Variants in NEMP2 observed in about 807,000 individuals in gnomAD.
NEMP2 encodes UPF0571 transmembrane protein.
A neutral mutation model predicts 54.2 loss-of-function variants in NEMP2; 53 were observed. That is an observed-to-expected ratio of 0.98 (90% confidence interval 0.78 to 1.23). NEMP2 has a LOEUF of 1.23. NEMP2 is among the 50% of genes most tolerant of loss of function. NEMP2 has a pLI of 0.00. For missense variants in NEMP2, 455 were observed against 511.3 expected (o/e 0.89, Z 1.06); for synonymous variants, 197 against 190.3 (o/e 1.04, Z -0.29).
chr2:190,431,129 C>T, the NEMP2 span, among the ~76,000 whole-genome samples: 1 of 149,496 alleles, frequency 6.7e-6, no homozygotes, highest in Non-Finnish European at 1.5e-5. This position sits in a 1 kb window ranked among gnomAD's most constrained non-coding sequence, Gnocchi z 4.4. Flanking sequence ...AGAGGCGCTC[C>T]CCACATCTCA....
chr2:190,575,657 C>T, the NEMP2 span, among the ~76,000 whole-genome samples: 1 of 152,166 alleles, frequency 6.6e-6, no homozygotes, highest in Non-Finnish European at 1.5e-5. Context: ...GAGTTCAAGA[C>T]CAGCCCGGCC....
chr2:190,527,877 T>C lies in NEMP2; in HGVS notation c.98-2499A>G, dbSNP rs540230496. ...TTATGATAATCTAACTAATGCCTGA[T>C]GATCTGAGGTGGAACAGTTTCATCC... is the stretch of plus-strand genomic sequence containing the variant. On this transcript the variant is annotated intron_variant, in intron 1 of 8. Coordinates refer to ENST00000409150, the MANE Select transcript of NEMP2 (RefSeq NM_001142645.2). This position sits in a 1 kb window ranked among gnomAD's most constrained non-coding sequence, Gnocchi z 4.0. Among the ~76,000 whole-genome samples the C allele has an allele frequency of 6.6e-6, 1 of 152,274 alleles. No homozygotes were observed. The highest frequency in any genetic ancestry group is 6.5e-5 in the Admixed American group (1 of 15,300).
chr2:190,440,688 C>G, the NEMP2 span, among the ~76,000 whole-genome samples: 1 of 152,202 alleles, frequency 6.6e-6, no homozygotes, highest in Non-Finnish European at 1.5e-5. Flanking sequence ...ACAGAAAAAT[C>G]TATTCAATCA....
At chr2:190,447,157 TGA>T in the NEMP2 span, among the ~76,000 whole-genome samples, 239 of 152,320 alleles carry the variant, frequency 1.6e-3, 1 homozygote, top group African/African-American at 5.6e-3. This position sits in a 1 kb window ranked among gnomAD's most constrained non-coding sequence, Gnocchi z 4.5. Context: ...TCAAGGTGTC[TGA>T]CATGGAATTA....
the NEMP2 span, among the ~76,000 whole-genome samples, chr2:190,643,802 A>G: frequency 2.0e-5 from 3 of 152,106 alleles, no homozygotes; most frequent in Non-Finnish European, 2.9e-5. Context: ...TGGCACGCCT[A>G]TAGTTTCAGC....
the NEMP2 span, among the ~76,000 whole-genome samples, chr2:190,424,197 A>G: frequency 6.7e-6 from 1 of 149,912 alleles, no homozygotes; most frequent in African/African-American, 2.4e-5. This position sits in a 1 kb window ranked among gnomAD's most constrained non-coding sequence, Gnocchi z 5.9. Flanking sequence ...CAAGTCTAAA[A>G]ACTCTGCCTA....
At chr2:190,624,941 A>G in the NEMP2 span, 1 of 152,232 alleles carries the variant, frequency 6.6e-6, no homozygotes, top group East Asian at 1.9e-4. Flanking sequence ...CTATCATCAA[A>G]AAGATAGACA....
chr2:190,617,903 G>A, the NEMP2 span, among the ~76,000 whole-genome samples: 18 of 151,950 alleles, frequency 1.2e-4, no homozygotes, highest in Non-Finnish European at 2.9e-5. This position sits in a 1 kb window ranked among gnomAD's most constrained non-coding sequence, Gnocchi z 5.0. Flanking sequence ...TGGTTTTTAC[G>A]GTTTCATGAT....
the NEMP2 span, among the ~76,000 whole-genome samples, chr2:190,613,279 G>A: frequency 6.6e-6 from 1 of 151,932 alleles, no homozygotes; most frequent in Non-Finnish European, 1.5e-5. Flanking sequence ...CAAGATTAGG[G>A]TATTTTACTA....
At chr2:190,554,283 G>A in the NEMP2 span, among the ~76,000 whole-genome samples, 8 of 152,050 alleles carry the variant, frequency 5.3e-5, no homozygotes, top group African/African-American at 1.2e-4. This position sits in a 1 kb window ranked among gnomAD's most constrained non-coding sequence, Gnocchi z 5.7. Flanking sequence ...ACCTCAGTGC[G>A]CCTGGAACAC....
chr2:190,423,206 G>T, the NEMP2 span, among the ~76,000 whole-genome samples: 2 of 152,124 alleles, frequency 1.3e-5, no homozygotes, highest in African/African-American at 4.8e-5. This position sits in a 1 kb window ranked among gnomAD's most constrained non-coding sequence, Gnocchi z 4.3. Flanking sequence ...TGACATTGAG[G>T]CAGTCAAGAT....
At chr2:190,478,345 C>T in the NEMP2 span, among the ~76,000 whole-genome samples, 5 of 152,036 alleles carry the variant, frequency 3.3e-5, no homozygotes, top group Non-Finnish European at 7.4e-5. Context: ...GGTTTCATTC[C>T]CTGGCAGAAG....
At chr2:190,499,806 TTG>T, downstream of NEMP2, 1 of 1,526,384 alleles carries the variant, frequency 6.6e-7, no homozygotes, top group Non-Finnish European at 8.8e-7. The surrounding 1 kb of genome is among the most constrained non-coding windows in gnomAD (Gnocchi z 6.0). Context: ...CTTATAGTGT[TTG>T]TGTTTTTCAT....
the NEMP2 span, among the ~76,000 whole-genome samples, chr2:190,603,445 G>A: frequency 1.2e-4 from 18 of 151,428 alleles, no homozygotes; most frequent in East Asian, 3.9e-4. Context: ...ATTTGTTTCC[G>A]TAGCCATTGT....
chr2:190,484,295 T>C, the NEMP2 span, among the ~76,000 whole-genome samples: 1 of 152,196 alleles, frequency 6.6e-6, no homozygotes, highest in Non-Finnish European at 1.5e-5. Flanking sequence ...GTTTAAAAAT[T>C]TGTAATTCTA....
the NEMP2 span, among the ~76,000 whole-genome samples, chr2:190,563,529 T>G: frequency 6.6e-6 from 1 of 152,178 alleles, no homozygotes; most frequent in African/African-American, 2.4e-5. The surrounding 1 kb of genome is among the most constrained non-coding windows in gnomAD (Gnocchi z 4.3). Flanking sequence ...ATTTTTATGC[T>G]TAGATTATTT....
intron 1 of NEMP2, 139 bp downstream of exon 1, chr2:190,534,420 A>AC (rs763973514): frequency 1.1e-5 from 13 of 1,220,410 alleles, no homozygotes; most frequent in South Asian, 3.8e-5. Flanking sequence ...TGCCCGGGAG[A>AC]CCCCAAAGCG....
At chr2:190,631,045 T>C in the NEMP2 span, among the ~76,000 whole-genome samples, 5 of 151,486 alleles carry the variant, frequency 3.3e-5, no homozygotes, top group African/African-American at 2.4e-5. Context: ...AAAACAAATA[T>C]AAAAAATGAT....
the NEMP2 span, among the ~76,000 whole-genome samples, chr2:190,621,404 A>G: frequency 6.6e-6 from 1 of 152,220 alleles, no homozygotes; most frequent in Non-Finnish European, 1.5e-5. Context: ...ATATGGTATT[A>G]TAATCTTATG....
Sources: gnomAD v4.1 joint callset for allele counts (sites outside exome capture counted in the v4.1 genomes callset) on GRCh38, gnomAD v4.1.1 for gene constraint, Gnocchi (gnomAD v3.1) non-coding constraint, MANE v1.5 for transcripts, NCBI Gene and HGNC (gene_info 2026-07-23, HGNC 2026-07-21) for gene names.